Variants in PDGFRB observed in about 807,000 individuals in gnomAD.
PDGFRB encodes the protein platelet derived growth factor receptor beta, also known as platelet-derived growth factor receptor beta.
A neutral mutation model predicts 120.2 loss-of-function variants in PDGFRB; 42 were observed. The observed-to-expected ratio is 0.35, with a 90% CI of 0.27 to 0.45. The LOEUF is 0.45. Among genes scored for constraint, PDGFRB ranks in the 20% least tolerant of loss-of-function variants. The probability of loss-of-function intolerance (pLI) is 1.00; values close to 1 mark genes in which losing one functional copy is unlikely to be tolerated. For missense variants in PDGFRB, 1,149 were observed against 1,476.3 expected, an observed-to-expected ratio of 0.78 and a Z score of 3.63; for synonymous variants, 586 against 606.8, an observed-to-expected ratio of 0.97 and a Z score of 0.50.
At chr5:150,151,802 C>T (rs183387750) in intron 1 of PDGFRB, among the ~76,000 whole-genome samples, 41 of 140,590 alleles carry the variant, frequency 2.9e-4, no homozygotes, top group African/African-American at 9.0e-4. Context: ...GCGGAGGTTG[C>T]GGTGAGCCAA....
At chr5:150,152,158 C>T (rs1400746202) in intron 1 of PDGFRB, among the ~76,000 whole-genome samples, 2 of 152,030 alleles carry the variant, frequency 1.3e-5, no homozygotes, top group Non-Finnish European at 2.9e-5. Context: ...CCACCCGCCT[C>T]GGCCTCCCAA....
In PDGFRB at chr5:150,121,397, TG is replaced by T; in HGVS notation, c.2345-76del. ...CACAGGACCCCTGCCCTTTGGCTCC[TG>T]GGAGACTGAATGTCCAAGACAGGTG... On this transcript the variant is annotated intron_variant, in intron 16 of 22. Coordinates refer to ENST00000261799, the MANE Select transcript of PDGFRB (RefSeq NM_002609.4). The surrounding 1 kb of genome is among the most constrained non-coding windows in gnomAD (Gnocchi z 4.1). The T allele has an allele frequency of 1.3e-6, 1 of 790,002 alleles. No homozygotes were observed. Among genetic ancestry groups the T allele is most frequent in the Admixed American group, 1.7e-5 (1 of 58,758 alleles). The allele number at this position is 790,002 out of a possible 1,614,324, so 48.9% of individuals were successfully genotyped here.
Position 150,134,979 on chromosome 5 carries a change from T to C in PDGFRB, c.402A>G (p.Glu134=). The C allele has an allele frequency of 6.2e-7, 1 of 1,610,848 alleles. No individual in the cohort carries two copies. The highest frequency in any genetic ancestry group is 8.5e-7 in the Non-Finnish European group (1 of 1,177,666). The change falls in exon 4 of 23, where the codon GAA becomes GAG. Residue 134 remains glutamate, a synonymous_variant. Transcript: ENST00000261799. ...TVGFLPNDAE[E]LFIFLTEITE... is the part of the protein sequence containing the mutation. ...TTATTTCCGTGAGAAAGATGAATAG[T>C]TCCTCGGCATCATTAGGGAGGAAGC...
Position 150,129,930 on chromosome 5 carries a change from C to A in PDGFRB, c.1406G>T (p.Ser469Ile). 1 of 1,614,118 alleles carries A rather than the reference C, an allele frequency of 6.2e-7. No individual in the cohort carries two copies. The highest frequency in any genetic ancestry group is 1.3e-5 in the African/African-American group (1 of 75,072). The change falls in exon 10 of 23, where the codon AGT becomes ATT. Residue 469 changes from serine (S) to isoleucine (I), a missense_variant. Ser to Ile is a moderately radical substitution (Grantham distance 142). Coordinates refer to ENST00000261799, the MANE Select transcript of PDGFRB (RefSeq NM_002609.4). ...RELPPTLLGN[S>I]SEEESQLETN... ...CTCCAGCTGGCTCTCCTCTTCGGAACTGTTCCCCAGCAGCGTGGGCGGCAG... is the reference window on the plus strand; with the variant it reads ...CTCCAGCTGGCTCTCCTCTTCGGAAATGTTCCCCAGCAGCGTGGGCGGCAG...
intron 2 of PDGFRB, among the ~76,000 whole-genome samples, chr5:150,136,286 A>T (rs1302367437): frequency 6.6e-6 from 1 of 152,092 alleles, no homozygotes; most frequent in East Asian, 1.9e-4. Flanking sequence ...CAAGGCCCAG[A>T]GGTGGCTCTG....
rs189339890 is a variant in PDGFRB, at chr5:150,131,260, G to A, written c.1244-598C>T. On this transcript the variant is annotated intron_variant, in intron 8 of 22. Coordinates refer to ENST00000261799, the MANE Select transcript of PDGFRB (RefSeq NM_002609.4). ...TCCCAGCCCCCACTGCCCTATCCCCGTTCTGACTTCATCTCCCACCACTCT... is the reference window on the plus strand; with the variant it reads ...TCCCAGCCCCCACTGCCCTATCCCCATTCTGACTTCATCTCCCACCACTCT... 2.6e-3 allele frequency among the ~76,000 whole-genome samples: 391 copies of A among 152,006 alleles called. 1 individual carries two copies. The highest frequency in any genetic ancestry group is 8.9e-3 in the African/African-American group (370 of 41,442).
chr5:150,117,963 C>T (rs1760015263), intron 21 of PDGFRB, 113 bp from the exon 22 acceptor site: 1 of 650,532 alleles, frequency 1.5e-6, no homozygotes, highest in Non-Finnish European at 2.8e-6. Flanking sequence ...CCCCGCTGCT[C>T]AGAGGGGAAA....
At chr5:150,136,944 T>C in intron 2 of PDGFRB, 64 bp downstream of exon 2, 1 of 1,273,820 alleles carries the variant, frequency 7.9e-7, no homozygotes, top group Non-Finnish European at 1.1e-6. Flanking sequence ...ACATCACCCC[T>C]GCCAGCTCCA....
intron 21 of PDGFRB, 80 bp downstream of exon 21, chr5:150,118,667 A>G: frequency 1.1e-6 from 1 of 876,152 alleles, no homozygotes; most frequent in Non-Finnish European, 1.9e-6. Flanking sequence ...ATGCCAGCCC[A>G]TCACGCAGAG....
intron 1 of PDGFRB, among the ~76,000 whole-genome samples, chr5:150,150,301 T>G (rs1761038330): frequency 6.6e-6 from 1 of 152,138 alleles, no homozygotes. Flanking sequence ...ACCCTTCCCC[T>G]CTCTGGACCT....
rs889313870 is a variant in PDGFRB, at chr5:150,127,840, A to C, written c.1580-1226T>G. On this transcript the variant is annotated intron_variant, in intron 10 of 22. Transcript: ENST00000261799. ...CAGAGCCAGACTCCATCTTAAAAAAAAAAAAAAAAAAAAAAAAAACTTTGG... is the reference window on the plus strand; with the variant it reads ...CAGAGCCAGACTCCATCTTAAAAAACAAAAAAAAAAAAAAAAAAACTTTGG... Among the ~76,000 whole-genome samples, 8 of 146,932 alleles carry C rather than the reference A, an allele frequency of 5.4e-5. No homozygotes were observed. The East Asian group carries it at 1.7e-3, about 31-fold the overall frequency.
chr5:150,122,928 A>G, intron 15 of PDGFRB, 114 bp downstream of exon 15: 1 of 921,024 alleles, frequency 1.1e-6, no homozygotes, highest in Admixed American at 2.0e-5. Context: ...TCCAGGAGTG[A>G]TTCTGTCCCC....
At chr5:150,123,940 G>A (rs1177781252) in intron 14 of PDGFRB, among the ~76,000 whole-genome samples, 1 of 152,216 alleles carries the variant, frequency 6.6e-6, no homozygotes, top group African/African-American at 2.4e-5. Flanking sequence ...TCATCTTAAT[G>A]TCATGTGAGC....
chr5:150,118,689 G>A, intron 21 of PDGFRB, 58 bp downstream of exon 21: 4 of 1,020,454 alleles, frequency 3.9e-6, no homozygotes, highest in Non-Finnish European at 6.3e-6. Flanking sequence ...CTTGTACTCG[G>A]TGTCTGACTT....
rs944735598 is a variant in PDGFRB at position 150,113,976 on chromosome 5, A to T, written c.*1787T>A. On this transcript the variant is annotated 3_prime_UTR_variant, in exon 23 of 23. Coordinates refer to ENST00000261799, the MANE Select transcript of PDGFRB (RefSeq NM_002609.4). ...TAACGTGAGTCCTAAAAATATTTGTAAACCTAGGTGATTATATCTTTGGTA... is the reference window on the plus strand; with the variant it reads ...TAACGTGAGTCCTAAAAATATTTGTTAACCTAGGTGATTATATCTTTGGTA... 3.0e-5 allele frequency: 7 copies of T among 233,386 alleles called. No individual in the cohort carries two copies. Among genetic ancestry groups the T allele is most frequent in the East Asian group, 1.8e-4 (3 of 16,586 alleles). 14.5% of individuals were successfully genotyped at this position (233,386 alleles called of 1,614,324 possible).
chr5:150,146,029 G>A (rs1043748824), intron 1 of PDGFRB, among the ~76,000 whole-genome samples: 2 of 152,140 alleles, frequency 1.3e-5, no homozygotes, highest in Non-Finnish European at 2.9e-5. Flanking sequence ...TTTTCACAGA[G>A]CCCTACAGTC....
At chr5:150,131,918 G>A (rs1202940111) in intron 8 of PDGFRB, 61 bp downstream of exon 8, 3 of 888,284 alleles carry the variant, frequency 3.4e-6, no homozygotes, top group Non-Finnish European at 1.9e-6. Context: ...TGCAGGAAGG[G>A]AGAGGGAACG....
rs769932238 is a variant in PDGFRB at position 150,121,370 on chromosome 5, C to T, written c.2345-48G>A. The stretch of plus-strand genomic sequence containing the variant: ...CCTGCTATCTTATATCTCCTTCTGG[C>T]CCACAGGACCCCTGCCCTTTGGCTC... On this transcript the variant is annotated intron_variant, in intron 16 of 22. Transcript: ENST00000261799. The surrounding 1 kb of genome is among the most constrained non-coding windows in gnomAD (Gnocchi z 4.1). 2 of 870,630 alleles carry T rather than the reference C, an allele frequency of 2.3e-6. No individual in the cohort carries two copies. The highest frequency in any genetic ancestry group is 4.0e-6 in the Non-Finnish European group (2 of 500,626). The allele number at this position is 870,630 out of a possible 1,614,324, so 53.9% of individuals were successfully genotyped here. A position where few individuals can be genotyped will look rare whatever the true frequency, so the allele number is the denominator to read the frequency against.
intron 15 of PDGFRB, among the ~76,000 whole-genome samples, chr5:150,122,402 C>T (rs982410412): frequency 3.9e-5 from 6 of 152,200 alleles, no homozygotes; most frequent in African/African-American, 1.4e-4. Flanking sequence ...GGATTCACCC[C>T]GCTACCTATG....
Sources: gnomAD v4.1 joint callset for allele counts (sites outside exome capture counted in the v4.1 genomes callset) on GRCh38, gnomAD v4.1.1 for gene constraint, Gnocchi (gnomAD v3.1) non-coding constraint, MANE v1.5 for transcripts, NCBI Gene and HGNC (gene_info 2026-07-23, HGNC 2026-07-21) for gene names.